Variants in TMC1 observed in about 807,000 individuals in gnomAD.
TMC1 encodes the protein transmembrane channel like 1, also known as transmembrane channel-like protein 1.
TMC1 carries 84 observed loss-of-function variants against 105.8 expected under a neutral mutation model. The ratio of observed to expected loss-of-function variants is 0.79; its 90% CI spans 0.67 to 0.95. TMC1 has a LOEUF of 0.95. TMC1 is among the 40% of genes least tolerant of loss of function. TMC1 has a pLI of 0.00. For synonymous variants in TMC1, 315 were observed against 311.5 expected (o/e 1.01, Z -0.12); for missense variants, 817 against 914.1 (o/e 0.89, Z 1.37).
At chr9:72,760,354 C>A (rs1405284052) in intron 12 of TMC1, among the ~76,000 whole-genome samples, 1 of 152,070 alleles carries the variant, frequency 6.6e-6, no homozygotes, top group Non-Finnish European at 1.5e-5. Flanking sequence ...TCTATCATGG[C>A]ACCATGGAGG....
chr9:72,612,482 T>A (rs1052200337), intron 2 of TMC1, among the ~76,000 whole-genome samples: 56 of 152,006 alleles, frequency 3.7e-4, no homozygotes, highest in African/African-American at 1.0e-3. Flanking sequence ...CCCAAACATT[T>A]TTTTTTTTTG....
chr9:72,634,410 G>C (rs901192390), intron 4 of TMC1, among the ~76,000 whole-genome samples: 1 of 152,104 alleles, frequency 6.6e-6, no homozygotes, highest in Non-Finnish European at 1.5e-5. Flanking sequence ...AACAATGTCT[G>C]GTTATCATTT....
intron 8 of TMC1, among the ~76,000 whole-genome samples, chr9:72,720,486 T>A (rs1827003444): frequency 6.6e-6 from 1 of 152,190 alleles, no homozygotes; most frequent in Non-Finnish European, 1.5e-5. Flanking sequence ...GTGCCCTGTC[T>A]CTCTCATCCT....
In TMC1 at chr9:72,645,430, A is replaced by G. The variant is rs149204400; in HGVS notation, c.-52-3167A>G. Among the ~76,000 whole-genome samples the G allele has an allele frequency of 5.9e-5, 9 of 152,328 alleles. No homozygotes were observed. In the East Asian group the frequency reaches 1.7e-3, roughly 29 times the overall value. ...AGTATGACCCTGAAGCCAAAGCACAATCAAAACAATGGCTACCAAGAGGTG... is the reference window on the plus strand; with the variant it reads ...AGTATGACCCTGAAGCCAAAGCACAGTCAAAACAATGGCTACCAAGAGGTG... On this transcript the variant is annotated intron_variant, in intron 4 of 23. Coordinates refer to ENST00000297784, the MANE Select transcript of TMC1 (RefSeq NM_138691.3).
At chr9:72,790,640 A>G (rs1257721879) in intron 15 of TMC1, among the ~76,000 whole-genome samples, 1 of 152,168 alleles carries the variant, frequency 6.6e-6, no homozygotes, top group Non-Finnish European at 1.5e-5. Flanking sequence ...ATTCTTTGTA[A>G]GAACCTCTTT....
In TMC1 at chr9:72,826,731, G is replaced by A. The variant is rs1564580848; in HGVS notation, c.2004-138G>A. ...CTACATGAGGTCAAAGTGTCAGCAA[G>A]TTGTAGCTAAACATCAGATTCCTAC... On this transcript the variant is annotated intron_variant, in intron 20 of 23. Transcript: ENST00000297784. 5.7e-6 allele frequency: 5 copies of A among 875,348 alleles called. No homozygotes were observed. The East Asian group carries it at 1.3e-4, about 22-fold the overall frequency. The allele number at this position is 875,348 out of a possible 1,614,324, so 54.2% of individuals were successfully genotyped here.
intron 6 of TMC1, among the ~76,000 whole-genome samples, chr9:72,693,739 C>A (rs1198781584): frequency 1.3e-5 from 2 of 151,704 alleles, no homozygotes; most frequent in Non-Finnish European, 2.9e-5. Context: ...ATGTTATAAA[C>A]TTTGTGAAGG....
At chr9:72,774,974 C>T (rs1827984249) in intron 13 of TMC1, among the ~76,000 whole-genome samples, 1 of 152,182 alleles carries the variant, frequency 6.6e-6, no homozygotes, top group Non-Finnish European at 1.5e-5. Context: ...TCACTGTACT[C>T]ATTCTGTTAG....
At chr9:72,790,057 A>G (rs1040459364) in intron 15 of TMC1, among the ~76,000 whole-genome samples, 2 of 152,190 alleles carry the variant, frequency 1.3e-5, no homozygotes, top group Non-Finnish European at 2.9e-5. Context: ...TTAGAATCAG[A>G]AAATCATTGG....
chr9:72,806,557 G>A (rs200989405), intron 18 of TMC1, among the ~76,000 whole-genome samples: 6,859 of 143,602 alleles, frequency 0.048, 245 homozygotes, highest in African/African-American at 0.069. Context: ...GGCAGTTGCC[G>A]GGCAGAGGGT....
At chr9:72,581,689 T>C (rs573017762) in intron 2 of TMC1, among the ~76,000 whole-genome samples, 1 of 152,348 alleles carries the variant, frequency 6.6e-6, no homozygotes, top group South Asian at 2.1e-4. Context: ...TCATCTCCAC[T>C]GTTTTTCCTG....
chr9:72,616,092 C>G (rs1045247373), intron 2 of TMC1, among the ~76,000 whole-genome samples: 10 of 152,158 alleles, frequency 6.6e-5, no homozygotes, highest in African/African-American at 2.4e-4. Context: ...GGAAACTCCA[C>G]TGCTAAAACA....
intron 8 of TMC1, among the ~76,000 whole-genome samples, chr9:72,739,243 C>A (rs761626758): frequency 6.6e-6 from 1 of 152,164 alleles, no homozygotes; most frequent in African/African-American, 2.4e-5. Flanking sequence ...CTGGCCACTA[C>A]TTACAAGGGC....
rs534505328 is a variant in TMC1, at chr9:72,705,273, T to C, written c.362+4630T>C. 4.6e-5 allele frequency among the ~76,000 whole-genome samples: 7 copies of C among 152,348 alleles called. No homozygotes were observed. The South Asian group carries it at 1.2e-3, about 27-fold the overall frequency. On this transcript the variant is annotated intron_variant, in intron 8 of 23. Transcript: ENST00000297784. ...ATTATATGTGGTAGATTGAAAGTGC[T>C]CATGACTAAACCTAAATAAGCAACC...
At chr9:72,630,848 T>C (rs774710756) in intron 4 of TMC1, among the ~76,000 whole-genome samples, 92 of 151,964 alleles carry the variant, frequency 6.1e-4, no homozygotes, top group Middle Eastern at 3.4e-3. Context: ...TTTCTTTCTA[T>C]TTTTATACAT....
rs191529543 is a variant in TMC1 at position 72,723,419 on chromosome 9, C to T, written c.363-16700C>T. On this transcript the variant is annotated intron_variant, in intron 8 of 23. Transcript: ENST00000297784. ...TGCCATTCACATTAGAGTTGATCTACCACAATTGCCTGCTTCATCATTTTC... is the reference window on the plus strand; with the variant it reads ...TGCCATTCACATTAGAGTTGATCTATCACAATTGCCTGCTTCATCATTTTC... Among the ~76,000 whole-genome samples, 490 of 152,240 alleles carry T rather than the reference C, an allele frequency of 3.2e-3. 2 individuals carry two copies. The highest frequency in any genetic ancestry group is 0.01 in the African/African-American group (431 of 41,552).
intron 3 of TMC1, among the ~76,000 whole-genome samples, chr9:72,621,173 A>G (rs1825242138): frequency 6.6e-6 from 1 of 152,266 alleles, no homozygotes; most frequent in Non-Finnish European, 1.5e-5. Flanking sequence ...TCAGAGAATA[A>G]CACGTTATTG....
At chr9:72,588,775 ATTT>A (rs34222467) in intron 2 of TMC1, among the ~76,000 whole-genome samples, 4 of 141,592 alleles carry the variant, frequency 2.8e-5, no homozygotes, top group African/African-American at 2.6e-5. Flanking sequence ...GAAAAACAAG[ATTT>A]TTTTTTTTTT....
At chr9:72,637,113 C>A (rs1825548789) in intron 4 of TMC1, among the ~76,000 whole-genome samples, 1 of 151,806 alleles carries the variant, frequency 6.6e-6, no homozygotes. Flanking sequence ...ATGTCAGCAG[C>A]CCCGTATGGT....
Sources: allele counts gnomAD v4.1 joint callset (sites outside exome capture counted in the v4.1 genomes callset), GRCh38; gene constraint gnomAD v4.1.1; transcripts MANE v1.5; gene names NCBI Gene and HGNC (gene_info 2026-07-23, HGNC 2026-07-21).